Variants in KCNQ3 observed in about 807,000 individuals in gnomAD.
KCNQ3 encodes the protein potassium voltage-gated channel subfamily KQT member 3.
A neutral mutation model predicts 92.5 loss-of-function variants in KCNQ3; 30 were observed. That is an observed-to-expected ratio of 0.32 (90% confidence interval 0.24 to 0.44). The LOEUF (loss-of-function observed/expected upper bound fraction) is 0.44, where lower values mean the gene tolerates loss of function less well. KCNQ3 is among the 20% of genes least tolerant of loss of function. The pLI, the probability that KCNQ3 is intolerant of heterozygous loss-of-function variation, is 1.00. For synonymous variants in KCNQ3, 450 were observed against 468.8 expected, an observed-to-expected ratio of 0.96 and a Z score of 0.52; for missense variants, 913 against 1,140.3, an observed-to-expected ratio of 0.80 and a Z score of 2.87.
intron 1 of KCNQ3, among the ~76,000 whole-genome samples, chr8:132,270,652 G>A (rs1816120788): frequency 6.6e-6 from 1 of 152,168 alleles, no homozygotes; most frequent in Admixed American, 6.5e-5. Context: ...CCAAGTCAGA[G>A]CTGAGCAGCA....
chr8:132,465,505 T>C (rs1336314534), intron 1 of KCNQ3, among the ~76,000 whole-genome samples: 1 of 149,982 alleles, frequency 6.7e-6, no homozygotes. Flanking sequence ...GGCGGGAGGA[T>C]CATAAGGTCA....
chr8:132,131,499 C>T (rs1824877031), intron 14 of KCNQ3, among the ~76,000 whole-genome samples: 2 of 152,126 alleles, frequency 1.3e-5, no homozygotes, highest in Admixed American at 1.3e-4. Context: ...AAGGAGGACA[C>T]ACAACATGCA....
At chr8:132,448,501 T>C (rs1419096937) in intron 1 of KCNQ3, among the ~76,000 whole-genome samples, 1 of 9,662 alleles carries the variant, frequency 1.0e-4, no homozygotes, top group Non-Finnish European at 1.9e-4. Context: ...AGGAGAAATA[T>C]GAAAAAAAAA....
chr8:132,419,508 C>A (rs1168686459), intron 1 of KCNQ3, among the ~76,000 whole-genome samples: 1 of 152,156 alleles, frequency 6.6e-6, no homozygotes, highest in Non-Finnish European at 1.5e-5. Context: ...CCAGACAGAG[C>A]CTTTCTTAGC....
chr8:132,200,142 ATATC>A (rs1356180019), intron 1 of KCNQ3, among the ~76,000 whole-genome samples: 1 of 152,186 alleles, frequency 6.6e-6, no homozygotes, highest in African/African-American at 2.4e-5. Context: ...AGACAAATCT[ATATC>A]TATTTCTAGA....
chr8:132,458,023 C>T (rs1207610272), intron 1 of KCNQ3, among the ~76,000 whole-genome samples: 2 of 152,160 alleles, frequency 1.3e-5, no homozygotes, highest in African/African-American at 4.8e-5. Flanking sequence ...AAGGTAGAAG[C>T]CCTGCCACTT....
intron 1 of KCNQ3, among the ~76,000 whole-genome samples, chr8:132,228,800 G>C (rs1170744960): frequency 6.6e-6 from 1 of 151,716 alleles, no homozygotes; most frequent in African/African-American, 2.4e-5. Flanking sequence ...AAGGAGAAAG[G>C]AGTTCTATGA....
intron 1 of KCNQ3, among the ~76,000 whole-genome samples, chr8:132,330,409 G>A (rs1480423391): frequency 2.0e-5 from 3 of 152,044 alleles, no homozygotes; most frequent in Admixed American, 1.3e-4. Context: ...CCATTTGCTC[G>A]AGGAAAACCT....
chr8:132,228,175 G>A (rs549545698), intron 1 of KCNQ3, among the ~76,000 whole-genome samples: 1 of 151,568 alleles, frequency 6.6e-6, no homozygotes, highest in Non-Finnish European at 1.5e-5. Context: ...TTTGCCTCTG[G>A]GTAAACTTTC....
At chr8:132,281,721 C>T (rs1162506214) in intron 1 of KCNQ3, among the ~76,000 whole-genome samples, 1 of 151,506 alleles carries the variant, frequency 6.6e-6, no homozygotes, top group African/African-American at 2.4e-5. Context: ...CCCCAACCAC[C>T]ACCATGTTTA....
Position 132,123,534 on chromosome 8 carries a change from C to A in KCNQ3, c.*5728G>T, listed in dbSNP as rs1258019704. The A allele has an allele frequency of 1.3e-5, 2 of 152,180 alleles. No individual in the cohort carries two copies. Among genetic ancestry groups the A allele is most frequent in the African/African-American group, 4.8e-5 (2 of 41,450 alleles). 9.4% of individuals were successfully genotyped at this position (152,180 alleles called of 1,614,324 possible). ...AGTTTCTCAAGTGGGCCAGGAAGTT[C>A]TTTTTCATGTTCTGGGCTCAATCGT... On this transcript the variant is annotated 3_prime_UTR_variant, in exon 15 of 15. Transcript: ENST00000388996.
chr8:132,251,074 C>A lies in KCNQ3; in HGVS notation c.387-64893G>T, dbSNP rs563829008. 5.3e-5 allele frequency among the ~76,000 whole-genome samples: 8 copies of A among 152,174 alleles called. No homozygotes were observed. The East Asian group carries it at 1.2e-3, about 22-fold the overall frequency. On this transcript the variant is annotated intron_variant, in intron 1 of 14. Coordinates refer to ENST00000388996, the MANE Select transcript of KCNQ3 (RefSeq NM_004519.4). ...TTGAGCTCAAGTGTTTGATACCAGC[C>A]TGGGCAACATGGTGAAACCCTGTCT...
At chr8:132,155,411 C>T (rs374990250) in intron 9 of KCNQ3, among the ~76,000 whole-genome samples, 1 of 152,078 alleles carries the variant, frequency 6.6e-6, no homozygotes, top group Admixed American at 6.5e-5. Flanking sequence ...GAAATAACCC[C>T]GGGCCAAGAA....
intron 1 of KCNQ3, among the ~76,000 whole-genome samples, chr8:132,309,898 T>A (rs993301887): frequency 6.6e-6 from 1 of 152,254 alleles, no homozygotes; most frequent in Non-Finnish European, 1.5e-5. Flanking sequence ...GTTGGTCAGA[T>A]ACCCCGTCAC....
At position 132,480,131 on chromosome 8, in the gene KCNQ3, G is replaced by A. The variant is rs1319735704; in HGVS notation, c.386+16C>T. ...CGCGCCGCCGCCGAGGGCGCCCCGA[G>A]CGGCCGGGTACTCACACCAACGCGT... On this transcript the variant is annotated intron_variant, in intron 1 of 14. Coordinates refer to ENST00000388996, the MANE Select transcript of KCNQ3 (RefSeq NM_004519.4). 6.2e-7 allele frequency: 1 copy of A among 1,608,186 alleles called. No individual in the cohort carries two copies. The highest frequency in any genetic ancestry group is 1.3e-5 in the African/African-American group (1 of 74,730).
chr8:132,323,618 G>A (rs1025658360), intron 1 of KCNQ3, among the ~76,000 whole-genome samples: 5 of 152,182 alleles, frequency 3.3e-5, no homozygotes, highest in East Asian at 1.9e-4. Context: ...CTTATTGCTC[G>A]TTTCCATCCT....
intron 1 of KCNQ3, among the ~76,000 whole-genome samples, chr8:132,419,739 G>A (rs1049252998): frequency 6.6e-6 from 1 of 152,146 alleles, no homozygotes; most frequent in African/African-American, 2.4e-5. Context: ...GCCCATTTTA[G>A]AGATGAGAAA....
intron 3 of KCNQ3, among the ~76,000 whole-genome samples, chr8:132,183,664 C>A (rs1419474188): frequency 6.6e-6 from 1 of 152,198 alleles, no homozygotes. Flanking sequence ...TGGAAGGATT[C>A]CAGTGACACC....
chr8:132,216,918 G>A (rs966565940), intron 1 of KCNQ3, among the ~76,000 whole-genome samples: 11 of 152,016 alleles, frequency 7.2e-5, no homozygotes, highest in African/African-American at 2.4e-4. Flanking sequence ...AAGAGTCTCT[G>A]GAATTTTGCA....
Sources: gnomAD v4.1 joint callset for allele counts (sites outside exome capture counted in the v4.1 genomes callset) on GRCh38, gnomAD v4.1.1 for gene constraint, MANE v1.5 for transcripts, NCBI Gene and HGNC (gene_info 2026-07-23, HGNC 2026-07-21) for gene names.